RASGRP3: variants seen among roughly 807,000 people sequenced by gnomAD.
RASGRP3 encodes ras guanyl-releasing protein 3.
In RASGRP3, 54 loss-of-function variants were observed where a neutral mutation model predicts 82.7. That is an observed-to-expected ratio of 0.65 (90% CI 0.52 to 0.82). The LOEUF (loss-of-function observed/expected upper bound fraction) is 0.82. Among genes scored for constraint, RASGRP3 ranks in the 40% least tolerant of loss-of-function variants. RASGRP3 has a pLI of 0.00. For missense variants in RASGRP3, 861 were observed against 828.9 expected, an observed-to-expected ratio of 1.04 and a Z score of -0.48; for synonymous variants, 309 against 300.5, an observed-to-expected ratio of 1.03 and a Z score of -0.29.
intron 1 of RASGRP3, among the ~76,000 whole-genome samples, chr2:33,440,474 G>A (rs1008602882): frequency 6.6e-5 from 10 of 152,194 alleles, no homozygotes; most frequent in Admixed American, 3.9e-4. Context: ...ACAGAATGTT[G>A]AGCCTCTGGC....
At chr2:33,485,893 CAT>C (rs1558431806) in intron 1 of RASGRP3, among the ~76,000 whole-genome samples, 1 of 152,198 alleles carries the variant, frequency 6.6e-6, no homozygotes, top group Non-Finnish European at 1.5e-5. Context: ...ATGGCTGAGA[CAT>C]GTGTCATGCA....
chr2:33,447,738 T>C (rs1190936376), intron 1 of RASGRP3: 1 of 152,262 alleles, frequency 6.6e-6, no homozygotes, highest in East Asian at 1.9e-4. Context: ...GTCTGTGTTT[T>C]CTATCTGAAA....
chr2:33,532,627 T>A (rs1245823152), intron 10 of RASGRP3: 1 of 152,240 alleles, frequency 6.6e-6, no homozygotes. Context: ...GAGTGATTAC[T>A]GTTCAGGGGA....
At chr2:33,457,330 G>A (rs937181202) in intron 2 of RASGRP3, among the ~76,000 whole-genome samples, 1 of 151,668 alleles carries the variant, frequency 6.6e-6, no homozygotes, top group Non-Finnish European at 1.5e-5. Context: ...TTTCTTCAAA[G>A]TGGATATATG....
chr2:33,459,762 A>C (rs981090151), intron 2 of RASGRP3, among the ~76,000 whole-genome samples: 8 of 152,184 alleles, frequency 5.3e-5, no homozygotes, highest in African/African-American at 1.9e-4. Flanking sequence ...TGCTCGCTGA[A>C]AGTTGCTGAA....
At chr2:33,554,124 C>G (rs1462833279) in intron 14 of RASGRP3, among the ~76,000 whole-genome samples, 1 of 152,142 alleles carries the variant, frequency 6.6e-6, no homozygotes, top group Non-Finnish European at 1.5e-5. Context: ...GTGGAAGTTC[C>G]TTGTCAAAAA....
Position 33,520,577 on chromosome 2 carries a change from A to G in RASGRP3, c.261A>G (p.Ala87=), listed in dbSNP as rs745498239. 7 of 1,614,042 alleles carry G rather than the reference A, an allele frequency of 4.3e-6. No individual in the cohort carries two copies. In the South Asian group the frequency reaches 6.6e-5, roughly 15 times the overall value. Residue 87 remains alanine (A), a synonymous_variant, in exon 6 of 18, where the codon GCA becomes GCG. Coordinates refer to ENST00000403687, the MANE Select transcript of RASGRP3 (RefSeq NM_001139488.2). ...GGTACTGGATTCTGAAGTTTCCTGCAGAGTTTAATTTGGATCTTGGTTTGA... is the reference window on the plus strand; with the variant it reads ...GGTACTGGATTCTGAAGTTTCCTGCGGAGTTTAATTTGGATCTTGGTTTGA... The part of the protein sequence containing the change: ...FMRYWILKFP[A]EFNLDLGLIR...
intron 1 of RASGRP3, among the ~76,000 whole-genome samples, chr2:33,487,058 A>G (rs1303427844): frequency 6.6e-6 from 1 of 152,218 alleles, no homozygotes; most frequent in East Asian, 1.9e-4. Flanking sequence ...TTTAATTTAT[A>G]TATCCCTACC....
chr2:33,488,273 C>G (rs1052546082), intron 1 of RASGRP3, among the ~76,000 whole-genome samples: 1 of 152,240 alleles, frequency 6.6e-6, no homozygotes, highest in Non-Finnish European at 1.5e-5. Flanking sequence ...TGTAAAGAAA[C>G]TGACACCTAG....
intron 1 of RASGRP3, among the ~76,000 whole-genome samples, chr2:33,505,891 C>G (rs1013973455): frequency 1.3e-5 from 2 of 152,232 alleles, no homozygotes; most frequent in South Asian, 2.1e-4. Context: ...GAGAATACCC[C>G]CTTGGTGGGA....
At chr2:33,490,797 A>G (rs921492295) in intron 1 of RASGRP3, among the ~76,000 whole-genome samples, 2 of 152,084 alleles carry the variant, frequency 1.3e-5, no homozygotes, top group Non-Finnish European at 2.9e-5. Context: ...TCCAAATTGT[A>G]TATGTAACTG....
intron 13 of RASGRP3, among the ~76,000 whole-genome samples, chr2:33,548,503 G>T (rs1301080633): frequency 6.6e-6 from 1 of 152,054 alleles, no homozygotes; most frequent in East Asian, 1.9e-4. Context: ...AAGAGACTGA[G>T]CATAACCTGG....
intron 13 of RASGRP3, among the ~76,000 whole-genome samples, chr2:33,549,268 G>T (rs2151092367): frequency 6.6e-6 from 1 of 152,240 alleles, no homozygotes; most frequent in Non-Finnish European, 1.5e-5. Flanking sequence ...AGCTAGGCAA[G>T]GACTAGAAAG....
At chr2:33,495,613 G>A (rs183011081) in intron 1 of RASGRP3, among the ~76,000 whole-genome samples, 3 of 152,268 alleles carry the variant, frequency 2.0e-5, no homozygotes, top group South Asian at 4.1e-4. Context: ...AATTCTGGAC[G>A]AGGCATGGTG....
chr2:33,449,648 C>G (rs113439971), intron 2 of RASGRP3, among the ~76,000 whole-genome samples: 4 of 151,908 alleles, frequency 2.6e-5, no homozygotes, highest in African/African-American at 7.2e-5. Context: ...TAGTCCCACT[C>G]CTAGGGAGGC....
chr2:33,537,834 T>G (rs1673808787), intron 11 of RASGRP3, among the ~76,000 whole-genome samples: 1 of 152,218 alleles, frequency 6.6e-6, no homozygotes, highest in Admixed American at 6.5e-5. Flanking sequence ...AAGCATGTTA[T>G]GCATTGTGCT....
chr2:33,515,173 G>A lies in RASGRP3; in HGVS notation c.37G>A (p.Asp13Asn). 1 of 1,613,964 alleles carries A rather than the reference G, an allele frequency of 6.2e-7. No homozygotes were observed. The highest frequency in any genetic ancestry group is 8.5e-7 in the Non-Finnish European group (1 of 1,179,862). ...SSGLGKAATL[D>N]ELLCTCIEMF... ...TGGCCTTGGGAAAGCAGCAACATTAGATGAACTGCTGTGCACTTGCATTGA... is the reference window on the plus strand; with the variant it reads ...TGGCCTTGGGAAAGCAGCAACATTAAATGAACTGCTGTGCACTTGCATTGA... Residue 13 changes from aspartate (D) to asparagine (N), a missense_variant, in exon 3 of 18, where the codon GAT (aspartate) becomes AAT (asparagine). Asp to Asn is a conservative substitution (Grantham distance 23). Coordinates refer to ENST00000403687, the MANE Select transcript of RASGRP3 (RefSeq NM_001139488.2).
intron 1 of RASGRP3, among the ~76,000 whole-genome samples, chr2:33,447,169 G>A (rs1014917549): frequency 5.3e-5 from 8 of 152,024 alleles, no homozygotes; most frequent in Non-Finnish European, 1.2e-4. Context: ...GGCCTTCAGG[G>A]AAGGTCAAGA....
In RASGRP3 at chr2:33,534,694, A is replaced by ATTT. The variant is rs71910431; in HGVS notation, c.1161+312_1161+314dup. Reference sequence around the variant, plus strand: ...TAGGTGCACACTGCCACACCCAGCAATTTTTTTTTTTTTTTTTTTTGTATT... The same window carrying ATTT: ...TAGGTGCACACTGCCACACCCAGCAATTTTTTTTTTTTTTTTTTTTTTTGTATT... On this transcript the variant is annotated intron_variant, in intron 11 of 17. Coordinates refer to ENST00000403687, the MANE Select transcript of RASGRP3 (RefSeq NM_001139488.2). Among the ~76,000 whole-genome samples, 768 of 122,174 alleles carry ATTT rather than the reference A, an allele frequency of 6.3e-3. 13 individuals are homozygous for ATTT. The highest frequency in any genetic ancestry group is 0.022 in the African/African-American group (686 of 30,822). 80.2% of individuals were successfully genotyped at this position (122,174 alleles called of 152,430 possible). A position where few individuals can be genotyped will look rare whatever the true frequency, so the allele number is the denominator to read the frequency against.
Sources: gnomAD v4.1 joint callset for allele counts (sites outside exome capture counted in the v4.1 genomes callset) on GRCh38, gnomAD v4.1.1 for gene constraint, MANE v1.5 for transcripts, NCBI Gene and HGNC (gene_info 2026-07-23, HGNC 2026-07-21) for gene names.